Variants in SMG6 observed in about 807,000 individuals in gnomAD.
The protein encoded by SMG6 is telomerase-binding protein EST1A.
A neutral mutation model predicts 142.2 loss-of-function variants in SMG6; 66 were observed. The ratio of observed to expected loss-of-function variants is 0.46; its 90% CI spans 0.38 to 0.57. The LOEUF is 0.57. SMG6 is among the 20% of genes least tolerant of loss of function. The pLI is 0.00. For synonymous variants in SMG6, 779 were observed against 702.4 expected, an observed-to-expected ratio of 1.11 and a Z score of -1.72; for missense variants, 1,793 against 1,832.0, an observed-to-expected ratio of 0.98 and a Z score of 0.39.
At chr17:2,128,660 C>A (rs908156455) in intron 13 of SMG6, among the ~76,000 whole-genome samples, 1 of 151,932 alleles carries the variant, frequency 6.6e-6, no homozygotes, top group African/African-American at 2.4e-5. Flanking sequence ...CCCGTCTCTA[C>A]TAAAAATACA....
At chr17:2,090,747 C>A (rs1173636241) in intron 13 of SMG6, among the ~76,000 whole-genome samples, 1 of 152,242 alleles carries the variant, frequency 6.6e-6, no homozygotes, top group Non-Finnish European at 1.5e-5. Context: ...CGGGTTTCCC[C>A]CCACAAACTC....
intron 13 of SMG6, among the ~76,000 whole-genome samples, chr17:2,152,741 A>G (rs2070865905): frequency 6.6e-6 from 1 of 152,260 alleles, no homozygotes; most frequent in Admixed American, 6.5e-5. Flanking sequence ...CGGTGCAGCC[A>G]CTTTGTAAAA....
intron 8 of SMG6, among the ~76,000 whole-genome samples, chr17:2,268,839 GAGAC>G (rs2074481680): frequency 6.6e-6 from 1 of 151,696 alleles, no homozygotes; most frequent in Non-Finnish European, 1.5e-5. Context: ...ATGAACCCGG[GAGAC>G]AGACCTGGCA....
rs764595777 is a variant in SMG6, at chr17:2,298,962, G to A, written c.1791C>T (p.Asn597=). ...GACTGATGCGGTCCCTGGAGAGCAG[G>A]TTGCTGAGCTGCAGTTCCTGGTTGT... ...VADNQELQLS[N]LLSRDRISPE... is the part of the protein sequence containing the mutation. The change falls in exon 2 of 19, where the codon AAC becomes AAT. Residue 597 remains asparagine (N), a synonymous_variant. Coordinates refer to ENST00000263073, the MANE Select transcript of SMG6 (RefSeq NM_017575.5). 3.7e-6 allele frequency: 6 copies of A among 1,614,036 alleles called. No individual in the cohort carries two copies. The African/African-American group carries it at 5.3e-5, about 14-fold the overall frequency.
At chr17:2,226,268 T>C (rs1597647182) in intron 10 of SMG6, among the ~76,000 whole-genome samples, 1 of 104,448 alleles carries the variant, frequency 9.6e-6, no homozygotes, top group African/African-American at 4.1e-5. Context: ...AGAGTGAAAC[T>C]CCGTCTCAAA....
At chr17:2,147,235 A>T (rs1253194873) in intron 13 of SMG6, among the ~76,000 whole-genome samples, 6 of 152,246 alleles carry the variant, frequency 3.9e-5, no homozygotes, top group African/African-American at 1.4e-4. Context: ...TCTACTAAAA[A>T]TACAAAAATT....
At chr17:2,268,549 G>A (rs1379115008) in intron 8 of SMG6, among the ~76,000 whole-genome samples, 1 of 152,112 alleles carries the variant, frequency 6.6e-6, no homozygotes, top group African/African-American at 2.4e-5. Context: ...GAAGTGGGCA[G>A]ATCACTAGAG....
intron 10 of SMG6, among the ~76,000 whole-genome samples, chr17:2,199,032 C>T (rs911185644): frequency 6.7e-6 from 1 of 148,748 alleles, no homozygotes; most frequent in Non-Finnish European, 1.5e-5. Flanking sequence ...AGCAAGAGAA[C>T]GTCATCGTCA....
At chr17:2,186,906 C>T in intron 11 of SMG6, 75 bp from the exon 12 acceptor site, 1 of 1,520,106 alleles carries the variant, frequency 6.6e-7, no homozygotes, top group Admixed American at 2.0e-5. Flanking sequence ...GCTGGGACGG[C>T]AGCAAGCTCT....
chr17:2,202,649 A>G (rs533420805), intron 10 of SMG6, among the ~76,000 whole-genome samples: 17 of 152,230 alleles, frequency 1.1e-4, no homozygotes, highest in Middle Eastern at 3.2e-3. Context: ...GGCTAATTTG[A>G]TAAAGAAAAG....
At chr17:2,238,243 G>A (rs2073715700) in intron 9 of SMG6, among the ~76,000 whole-genome samples, 1 of 152,152 alleles carries the variant, frequency 6.6e-6, no homozygotes, top group South Asian at 2.1e-4. Context: ...TTACATTCCA[G>A]TTCCCTCCTC....
At chr17:2,282,225 T>C (rs937870055) in intron 8 of SMG6, among the ~76,000 whole-genome samples, 2 of 151,984 alleles carry the variant, frequency 1.3e-5, no homozygotes, top group African/African-American at 4.8e-5. Context: ...CCAAGAGTTA[T>C]AAGAGGATAT....
At chr17:2,107,624 C>A (rs1316431770) in intron 13 of SMG6, among the ~76,000 whole-genome samples, 1 of 152,166 alleles carries the variant, frequency 6.6e-6, no homozygotes, top group Non-Finnish European at 1.5e-5. Context: ...CTCCTCTGGG[C>A]ACTAGTTCAC....
chr17:2,143,228 T>C (rs1196263296), intron 13 of SMG6, among the ~76,000 whole-genome samples: 3 of 152,210 alleles, frequency 2.0e-5, no homozygotes, highest in Admixed American at 2.0e-4. Flanking sequence ...CTTCTAGGTA[T>C]ATATATCTAA....
chr17:2,129,018 A>T (rs62068034), intron 13 of SMG6, among the ~76,000 whole-genome samples: 2,060 of 152,286 alleles, frequency 0.014, 21 homozygotes, highest in East Asian at 0.055. Flanking sequence ...AGTACACTGG[A>T]CTATTTTAGG....
At chr17:2,099,885 C>T (rs959874891) in intron 13 of SMG6, among the ~76,000 whole-genome samples, 2 of 152,176 alleles carry the variant, frequency 1.3e-5, no homozygotes, top group Non-Finnish European at 2.9e-5. Flanking sequence ...TTTCTGGAGA[C>T]TGGGTCTCAC....
intron 8 of SMG6, among the ~76,000 whole-genome samples, chr17:2,260,521 T>G (rs1317752740): frequency 6.6e-6 from 1 of 152,240 alleles, no homozygotes; most frequent in Non-Finnish European, 1.5e-5. Context: ...TCTTTTATCT[T>G]TGATCCAATT....
chr17:2,273,670 A>G (rs6502155), intron 8 of SMG6, among the ~76,000 whole-genome samples: 64,972 of 151,714 alleles, frequency 0.43, 15,199 homozygotes, highest in African/African-American at 0.63. Flanking sequence ...CCAGGCGCAC[A>G]CCTATAATCC....
chr17:2,229,797 T>C (rs2073418742), intron 10 of SMG6, among the ~76,000 whole-genome samples: 1 of 152,166 alleles, frequency 6.6e-6, no homozygotes, highest in South Asian at 2.1e-4. Context: ...ACTTTCTCTG[T>C]GAATTCAGCA....
Sources: allele counts gnomAD v4.1 joint callset (sites outside exome capture counted in the v4.1 genomes callset), GRCh38; gene constraint gnomAD v4.1.1; transcripts MANE v1.5; gene names NCBI Gene and HGNC (gene_info 2026-07-23, HGNC 2026-07-21).